The following MOSMO variants were observed in gnomAD, a reference collection of about 807,000 sequenced individuals.
MOSMO encodes the protein modulator of smoothened.
Under a neutral mutation model 18.4 loss-of-function variants are expected in MOSMO, and 5 were observed. The observed-to-expected ratio is 0.27, with a 90% CI of 0.14 to 0.57. The LOEUF is 0.57. Ranked by LOEUF, MOSMO falls within the 20% of genes least tolerant of loss-of-function variation. MOSMO has a pLI of 0.92. For missense variants in MOSMO, 138 were observed against 211.8 expected (o/e 0.65, Z 2.16); for synonymous variants, 82 against 82.3 (o/e 1.00, Z 0.02).
chr16:22,067,008 A>C (rs985438161), intron 1 of MOSMO, among the ~76,000 whole-genome samples: 15 of 152,248 alleles, frequency 9.9e-5, no homozygotes, highest in Non-Finnish European at 1.5e-4. Context: ...AATTAAAGGA[A>C]AGTTTGAAAA....
At chr16:22,011,434 G>A (rs1290437858) in intron 1 of MOSMO, among the ~76,000 whole-genome samples, 3 of 152,180 alleles carry the variant, frequency 2.0e-5, no homozygotes, top group Admixed American at 1.3e-4. Context: ...TGTAATGATG[G>A]CTTATGGAGT....
At chr16:22,088,202 A>AT (rs565008442), downstream of MOSMO, among the ~76,000 whole-genome samples, 7 of 151,520 alleles carry the variant, frequency 4.6e-5, no homozygotes, top group East Asian at 1.9e-4. Flanking sequence ...TAAAAAAAAA[A>AT]TTTTTTTTTA....
chr16:22,077,240 G>A (rs1391636521), intron 2 of MOSMO, among the ~76,000 whole-genome samples: 3 of 152,114 alleles, frequency 2.0e-5, no homozygotes, highest in South Asian at 2.1e-4. Flanking sequence ...GAGTCGAAAC[G>A]TTATATGCTC....
At chr16:22,074,025 A>G (rs911520611) in intron 1 of MOSMO, among the ~76,000 whole-genome samples, 1 of 152,174 alleles carries the variant, frequency 6.6e-6, no homozygotes, top group African/African-American at 2.4e-5. Context: ...TTATTTCAAC[A>G]AGTTGCTTTA....
intron 1 of MOSMO, among the ~76,000 whole-genome samples, chr16:22,011,097 T>C (rs1025964879): frequency 9.9e-5 from 15 of 152,122 alleles, no homozygotes; most frequent in African/African-American, 3.4e-4. Flanking sequence ...TCGAAATAAT[T>C]GCAGAGAAAG....
chr16:22,049,365 C>A (rs1046135183), intron 1 of MOSMO, among the ~76,000 whole-genome samples: 30 of 152,180 alleles, frequency 2.0e-4, no homozygotes, highest in African/African-American at 7.0e-4. Context: ...CGCCACCATG[C>A]CTAGCTAATT....
intron 1 of MOSMO, among the ~76,000 whole-genome samples, chr16:22,032,970 C>T (rs2141996462): frequency 6.6e-6 from 1 of 152,274 alleles, no homozygotes; most frequent in South Asian, 2.1e-4. Context: ...AGTCATGTCA[C>T]CCTTGTTGAA....
chr16:22,063,200 C>A (rs1384977383), intron 1 of MOSMO, among the ~76,000 whole-genome samples: 4 of 152,170 alleles, frequency 2.6e-5, no homozygotes, highest in Admixed American at 2.6e-4. Flanking sequence ...ACTCGAACTG[C>A]TGATATGCTA....
At chr16:22,068,683 C>T (rs1414334864) in intron 1 of MOSMO, among the ~76,000 whole-genome samples, 1 of 152,116 alleles carries the variant, frequency 6.6e-6, no homozygotes, top group African/African-American at 2.4e-5. Flanking sequence ...AAGGTTTATC[C>T]ATGTTGTAAC....
chr16:22,026,166 G>A (rs983759093), intron 1 of MOSMO, among the ~76,000 whole-genome samples: 1 of 151,288 alleles, frequency 6.6e-6, no homozygotes, highest in East Asian at 1.9e-4. Flanking sequence ...AATTATTTAT[G>A]GTCTGTATGA....
At chr16:22,079,176 C>CA (rs1394369561) in intron 2 of MOSMO, among the ~76,000 whole-genome samples, 2 of 151,954 alleles carry the variant, frequency 1.3e-5, no homozygotes, top group African/African-American at 4.8e-5. Flanking sequence ...GGTTAACACA[C>CA]AAAAAAATGT....
At chr16:22,042,842 C>G (rs1212607059) in intron 1 of MOSMO, among the ~76,000 whole-genome samples, 1 of 152,184 alleles carries the variant, frequency 6.6e-6, no homozygotes, top group African/African-American at 2.4e-5. Flanking sequence ...ATATATGCAA[C>G]AACTCTGAGA....
intron 1 of MOSMO, among the ~76,000 whole-genome samples, chr16:22,069,620 C>G (rs1355277556): frequency 6.6e-6 from 1 of 152,180 alleles, no homozygotes; most frequent in Non-Finnish European, 1.5e-5. Context: ...TAGTCCAGGA[C>G]TTTAAATGTT....
At chr16:22,084,794 A>G (rs1307658135), downstream of MOSMO, among the ~76,000 whole-genome samples, 1 of 152,018 alleles carries the variant, frequency 6.6e-6, no homozygotes, top group Non-Finnish European at 1.5e-5. Context: ...GTCTTTCCCT[A>G]TCTTCTTCCA....
intron 1 of MOSMO, among the ~76,000 whole-genome samples, chr16:22,027,010 T>G (rs1899890338): frequency 6.6e-6 from 1 of 152,320 alleles, no homozygotes; most frequent in South Asian, 2.1e-4. Context: ...TAAACTGTCT[T>G]TAGTGTGTGG....
Position 22,072,156 on chromosome 16 carries a change from A to G in MOSMO, c.107-3331A>G, listed in dbSNP as rs1369630767. Among the ~76,000 whole-genome samples, 3 of 152,278 alleles carry G rather than the reference A, an allele frequency of 2.0e-5. No homozygotes were observed. In the East Asian group the frequency reaches 5.8e-4, roughly 29 times the overall value. On this transcript the variant is annotated intron_variant, in intron 1 of 2. Coordinates refer to ENST00000542527, the MANE Select transcript of MOSMO (RefSeq NM_001164579.2). ...AATTTAGAAGAAGTAAAAGATCTTGACTATTAATGTGGGTGATGAGTCTGA... is the reference window on the plus strand; with the variant it reads ...AATTTAGAAGAAGTAAAAGATCTTGGCTATTAATGTGGGTGATGAGTCTGA...
At chr16:22,059,901 G>A (rs1233279561) in intron 1 of MOSMO, among the ~76,000 whole-genome samples, 1 of 152,210 alleles carries the variant, frequency 6.6e-6, no homozygotes, top group African/African-American at 2.4e-5. Flanking sequence ...AATTGGCCAG[G>A]TATGGTGGCT....
Position 22,028,485 on chromosome 16 carries a change from G to A in MOSMO, c.106+20078G>A, listed in dbSNP as rs777990947. Among the ~76,000 whole-genome samples the A allele has an allele frequency of 2.6e-5, 4 of 151,292 alleles. No individual in the cohort carries two copies. The South Asian group carries it at 6.3e-4, about 24-fold the overall frequency. On this transcript the variant is annotated intron_variant, in intron 1 of 2. Transcript: ENST00000542527. Reference sequence around the variant, plus strand: ...CACATTGTTTTACCACCGTCACCCCGATCCATCTGTAAAGCTCTTTTCATC... The same window carrying A: ...CACATTGTTTTACCACCGTCACCCCAATCCATCTGTAAAGCTCTTTTCATC...
intron 1 of MOSMO, among the ~76,000 whole-genome samples, chr16:22,073,812 C>T (rs547444331): frequency 6.6e-6 from 1 of 151,672 alleles, no homozygotes; most frequent in South Asian, 2.1e-4. Context: ...TGTGTACTTT[C>T]TGTCCGGTCT....
Sources: gnomAD v4.1 joint callset for allele counts (sites outside exome capture counted in the v4.1 genomes callset) on GRCh38, gnomAD v4.1.1 for gene constraint, MANE v1.5 for transcripts, NCBI Gene and HGNC (gene_info 2026-07-23, HGNC 2026-07-21) for gene names.